MYO1B: variants seen among roughly 807,000 people sequenced by gnomAD.
The protein encoded by MYO1B is myosin IB, also known as unconventional myosin-Ib.
Under a neutral mutation model 159.7 loss-of-function variants are expected in MYO1B, and 72 were observed. The ratio of observed to expected loss-of-function variants is 0.45; its 90% CI spans 0.37 to 0.55. The LOEUF (loss-of-function observed/expected upper bound fraction) is 0.55, where lower values mean the gene tolerates loss of function less well. MYO1B is among the 20% of genes least tolerant of loss of function. MYO1B has a pLI of 0.00. For synonymous variants in MYO1B, 468 were observed against 473.8 expected (o/e 0.99, Z 0.16); for missense variants, 1,062 against 1,364.8 (o/e 0.78, Z 3.50).
chr2:191,350,131 C>G (rs1376483311), intron 6 of MYO1B, 31 bp from the exon 7 acceptor site: 1 of 1,586,910 alleles, frequency 6.3e-7, no homozygotes, highest in Admixed American at 1.7e-5. Flanking sequence ...TTGAGATGAA[C>G]TAGAAAACTC....
intron 11 of MYO1B, among the ~76,000 whole-genome samples, chr2:191,366,259 C>T (rs1229174331): frequency 2.0e-5 from 3 of 152,158 alleles, no homozygotes; most frequent in Non-Finnish European, 1.5e-5. Context: ...GCCCAGGTGC[C>T]TCTGACTTTA....
At chr2:191,352,790 T>C (rs1286983263) in intron 7 of MYO1B, among the ~76,000 whole-genome samples, 1 of 152,136 alleles carries the variant, frequency 6.6e-6, no homozygotes, top group East Asian at 1.9e-4. Context: ...CGGTGGTCAC[T>C]GGGAGTTGCT....
intron 27 of MYO1B, among the ~76,000 whole-genome samples, chr2:191,411,897 A>G (rs941001612): frequency 6.6e-6 from 1 of 152,240 alleles, no homozygotes; most frequent in Non-Finnish European, 1.5e-5. Flanking sequence ...AGATTGTACA[A>G]TTTCAAGCCA....
In MYO1B at chr2:191,400,415, A is replaced by C; in HGVS notation, c.2329A>C (p.Lys777Gln). The change falls in exon 22 of 31, where the codon AAG becomes CAG. Residue 777 changes from lysine to glutamine, a missense_variant. By Grantham distance (53) the Lys-to-Gln change is moderately conservative. Coordinates refer to ENST00000392318, the MANE Select transcript of MYO1B (RefSeq NM_001130158.3). ...RKILRELKHQ[K>Q]RCKEAVTTIA... ...AATTCTGCGGGAACTGAAGCATCAAAAGCGCTGTAAGGAAGCAGTCACGAC... is the reference window on the plus strand; with the variant it reads ...AATTCTGCGGGAACTGAAGCATCAACAGCGCTGTAAGGAAGCAGTCACGAC... 6.2e-7 allele frequency: 1 copy of C among 1,614,074 alleles called. No homozygotes were observed. The highest frequency in any genetic ancestry group is 8.5e-7 in the Non-Finnish European group (1 of 1,180,012).
chr2:191,295,813 G>A (rs1688949783), intron 2 of MYO1B, among the ~76,000 whole-genome samples: 1 of 152,114 alleles, frequency 6.6e-6, no homozygotes, highest in Non-Finnish European at 1.5e-5. Context: ...CAAAATTTGT[G>A]GAAAATATGA....
chr2:191,257,174 T>A (rs1042846361), intron 1 of MYO1B, among the ~76,000 whole-genome samples: 1 of 152,218 alleles, frequency 6.6e-6, no homozygotes, highest in Non-Finnish European at 1.5e-5. Flanking sequence ...TAAGTAAATA[T>A]AACTTTTCAC....
At chr2:191,277,808 G>A (rs1214659064) in intron 2 of MYO1B, among the ~76,000 whole-genome samples, 1 of 152,178 alleles carries the variant, frequency 6.6e-6, no homozygotes, top group African/African-American at 2.4e-5. Context: ...TTGGATGGGA[G>A]TAGTTTTAGT....
intron 5 of MYO1B, among the ~76,000 whole-genome samples, chr2:191,345,427 A>G (rs970702927): frequency 5.3e-5 from 8 of 152,180 alleles, no homozygotes; most frequent in Admixed American, 1.3e-4. Flanking sequence ...GCTTGGTGAA[A>G]CAATCCTTTT....
At chr2:191,292,582 G>A (rs1015899037) in intron 2 of MYO1B, among the ~76,000 whole-genome samples, 1 of 152,158 alleles carries the variant, frequency 6.6e-6, no homozygotes, top group Non-Finnish European at 1.5e-5. Context: ...AGAGACAATA[G>A]ATTGTAAATG....
intron 2 of MYO1B, among the ~76,000 whole-genome samples, chr2:191,279,074 G>A (rs887030184): frequency 1.9e-4 from 29 of 152,200 alleles, no homozygotes; most frequent in Admixed American, 7.2e-4. Flanking sequence ...TTTAGCAGAC[G>A]AAATGTCTGG....
At chr2:191,284,750 A>G (rs1309759975) in intron 2 of MYO1B, among the ~76,000 whole-genome samples, 1 of 152,100 alleles carries the variant, frequency 6.6e-6, no homozygotes, top group African/African-American at 2.4e-5. Flanking sequence ...CTTCTGCCTC[A>G]GCCTCCTGAG....
intron 25 of MYO1B, 40 bp from the exon 26 acceptor site, chr2:191,409,004 A>G (rs772303528): frequency 3.8e-6 from 6 of 1,577,764 alleles, no homozygotes; most frequent in South Asian, 3.5e-5. Context: ...CTTTTGTGGT[A>G]TATTTTCCTC....
At chr2:191,270,071 T>C (rs1359419504) in intron 1 of MYO1B, among the ~76,000 whole-genome samples, 2 of 152,164 alleles carry the variant, frequency 1.3e-5, no homozygotes, top group African/African-American at 2.4e-5. Flanking sequence ...AAGGAGCAGA[T>C]GGCCATGCAA....
At position 191,276,831 on chromosome 2, in the gene MYO1B, A is replaced by G. The variant is rs1687780806; in HGVS notation, c.-9-56A>G. On this transcript the variant is annotated intron_variant, in intron 1 of 30. Transcript: ENST00000392318. ...TTGGATTTCTGCAGTAGTGCCAAGA[A>G]CCTATTTGAAATTATTTTGCTCGTT... 6.4e-6 allele frequency: 10 copies of G among 1,553,886 alleles called. No homozygotes were observed. The South Asian group carries it at 1.2e-4, about 19-fold the overall frequency.
intron 2 of MYO1B, among the ~76,000 whole-genome samples, chr2:191,294,743 A>G (rs941701036): frequency 5.9e-5 from 9 of 152,198 alleles, no homozygotes; most frequent in Non-Finnish European, 1.2e-4. Context: ...CCTTGACAAG[A>G]TAATATTTGT....
chr2:191,347,445 T>G (rs1259657093), intron 6 of MYO1B, among the ~76,000 whole-genome samples: 1 of 152,228 alleles, frequency 6.6e-6, no homozygotes, highest in Non-Finnish European at 1.5e-5. Context: ...CCAAGCTTCT[T>G]TATGTGATAG....
chr2:191,377,778 G>A (rs950706226), intron 13 of MYO1B: 3 of 152,144 alleles, frequency 2.0e-5, no homozygotes, highest in African/African-American at 7.2e-5. Context: ...TTAATCATAT[G>A]TGCAGTCCCA....
intron 11 of MYO1B, among the ~76,000 whole-genome samples, chr2:191,365,551 C>T (rs1414986039): frequency 2.6e-5 from 4 of 152,180 alleles, no homozygotes; most frequent in African/African-American, 9.7e-5. Flanking sequence ...GCTGTCATAT[C>T]TGTCCAAGTC....
chr2:191,300,639 C>CTTTTTTTTTTTTTTTTTTTTT (rs1233709923), intron 3 of MYO1B, among the ~76,000 whole-genome samples: 1 of 66,912 alleles, frequency 1.5e-5, no homozygotes, highest in Non-Finnish European at 2.5e-5. Flanking sequence ...TGTGCGCAGC[C>CTTTTTTTTTTTTTTTTTTTTT]TTTTTTTTTT....
Sources: gnomAD v4.1 joint callset for allele counts (sites outside exome capture counted in the v4.1 genomes callset) on GRCh38, gnomAD v4.1.1 for gene constraint, MANE v1.5 for transcripts, NCBI Gene and HGNC (gene_info 2026-07-23, HGNC 2026-07-21) for gene names.